AMOTL1: variants seen among roughly 807,000 people sequenced by gnomAD.
The protein encoded by AMOTL1 is angiomotin like 1.
AMOTL1 carries 45 observed loss-of-function variants against 102.9 expected under a neutral mutation model. The observed-to-expected ratio is 0.44, with a 90% confidence interval of 0.34 to 0.56. AMOTL1 has a LOEUF of 0.56. Ranked by LOEUF, AMOTL1 falls within the 20% of genes least tolerant of loss-of-function variation. The probability of loss-of-function intolerance (pLI) is 0.01; values close to 1 mark genes in which losing one functional copy is unlikely to be tolerated. For synonymous variants in AMOTL1, 481 were observed against 484.7 expected (o/e 0.99, Z 0.10); for missense variants, 1,114 against 1,225.6 (o/e 0.91, Z 1.36).
intron 3 of AMOTL1, among the ~76,000 whole-genome samples, chr11:94,743,292 G>C (rs1037918440): frequency 9.2e-5 from 14 of 152,210 alleles, no homozygotes; most frequent in South Asian, 2.1e-4. Context: ...GTAAGCCAAA[G>C]GAGGCCTATA....
At chr11:94,716,734 T>C (rs1216617196) in intron 1 of AMOTL1, among the ~76,000 whole-genome samples, 1 of 152,112 alleles carries the variant, frequency 6.6e-6, no homozygotes, top group Non-Finnish European at 1.5e-5. Flanking sequence ...CCTGTTGTCT[T>C]GGATATGGGA....
intron 12 of AMOTL1, among the ~76,000 whole-genome samples, chr11:94,870,078 A>AAG (rs1437992680): frequency 7.2e-5 from 11 of 152,150 alleles, no homozygotes; most frequent in Non-Finnish European, 1.2e-4. Flanking sequence ...CTCTTAAGCA[A>AAG]AGGAGTACCA....
chr11:94,721,516 T>A (rs960073511), intron 1 of AMOTL1, among the ~76,000 whole-genome samples: 1 of 152,066 alleles, frequency 6.6e-6, no homozygotes, highest in Admixed American at 6.6e-5. Flanking sequence ...AGGTGAGTCT[T>A]CAAGGTAGGC....
intron 4 of AMOTL1, among the ~76,000 whole-genome samples, chr11:94,822,984 C>T (rs1951895911): frequency 6.6e-6 from 1 of 152,118 alleles, no homozygotes; most frequent in Admixed American, 6.5e-5. Context: ...AAAGTTAAAG[C>T]GTAGGAGTGT....
At chr11:94,792,549 G>C (rs921133075) in intron 1 of AMOTL1, among the ~76,000 whole-genome samples, 1 of 152,228 alleles carries the variant, frequency 6.6e-6, no homozygotes, top group Non-Finnish European at 1.5e-5. Flanking sequence ...GGCTTTAGAC[G>C]AGTGGATGGT....
intron 2 of AMOTL1, chr11:94,729,166 C>A (rs1040625527): frequency 4.1e-6 from 3 of 729,326 alleles, no homozygotes; most frequent in South Asian, 1.7e-5. Context: ...TTTTCAAAAG[C>A]AGCTGAGTGG....
intron 3 of AMOTL1, among the ~76,000 whole-genome samples, chr11:94,755,001 T>C (rs992097702): frequency 6.6e-6 from 1 of 152,180 alleles, no homozygotes; most frequent in Non-Finnish European, 1.5e-5. Flanking sequence ...GGCTTGCTCT[T>C]AGTAGGTGTG....
intron 2 of AMOTL1, among the ~76,000 whole-genome samples, chr11:94,734,162 A>C (rs926359187): frequency 1.3e-5 from 2 of 152,152 alleles, no homozygotes; most frequent in African/African-American, 4.8e-5. Context: ...AGTTAATTTC[A>C]TTTCATCTCT....
At chr11:94,780,648 A>G (rs896656890) in intron 1 of AMOTL1, among the ~76,000 whole-genome samples, 4 of 152,290 alleles carry the variant, frequency 2.6e-5, no homozygotes, top group Admixed American at 6.5e-5. Flanking sequence ...GTCTTCATGA[A>G]CAGAAACTAA....
chr11:94,821,830 C>G lies in AMOTL1; in HGVS notation c.1413+9C>G. The G allele has an allele frequency of 6.2e-7, 1 of 1,611,626 alleles. No homozygotes were observed. The highest frequency in any genetic ancestry group is 8.5e-7 in the Non-Finnish European group (1 of 1,178,162). On this transcript the variant is annotated intron_variant, in intron 4 of 12. Coordinates refer to ENST00000433060, the MANE Select transcript of AMOTL1 (RefSeq NM_130847.3). Reference sequence around the variant, plus strand: ...CCGACAAGCTCCACAAGGTGCGTGACTTCCCTGGGGAATGGGAGGGAGACA... The same window carrying G: ...CCGACAAGCTCCACAAGGTGCGTGAGTTCCCTGGGGAATGGGAGGGAGACA...
intron 3 of AMOTL1, among the ~76,000 whole-genome samples, chr11:94,757,318 G>T (rs1314494007): frequency 6.6e-6 from 1 of 152,110 alleles, no homozygotes; most frequent in Non-Finnish European, 1.5e-5. Flanking sequence ...TCACAGTCCT[G>T]TGAGGTGGAT....
At chr11:94,786,444 C>T (rs1027670869) in intron 1 of AMOTL1, among the ~76,000 whole-genome samples, 20 of 152,156 alleles carry the variant, frequency 1.3e-4, no homozygotes, top group African/African-American at 4.3e-4. Context: ...AAGCAAGGGC[C>T]GCATTTAGGG....
At chr11:94,707,556 T>C (rs1949950889) in intron 1 of AMOTL1, among the ~76,000 whole-genome samples, 1 of 152,102 alleles carries the variant, frequency 6.6e-6, no homozygotes, top group African/African-American at 2.4e-5. Flanking sequence ...GGCACAATCA[T>C]CTATAACCTA....
In AMOTL1 at chr11:94,742,117, A is replaced by G. The variant is rs941985347; in HGVS notation, c.136+1129A>G. ...CTGGGAGGAGTACCATGTTTTATTC[A>G]GAGGATGTGTTTCTGACAAGTTGCG... On this transcript the variant is annotated intron_variant, in intron 3 of 4. Transcript: ENST00000299004. Among the ~76,000 whole-genome samples the G allele has an allele frequency of 3.9e-5, 6 of 152,372 alleles. No homozygotes were observed. The South Asian group carries it at 1.2e-3, about 32-fold the overall frequency.
chr11:94,862,216 G>T (rs909507555), intron 9 of AMOTL1, among the ~76,000 whole-genome samples: 2 of 152,116 alleles, frequency 1.3e-5, no homozygotes, highest in Non-Finnish European at 2.9e-5. Flanking sequence ...GGGGGAATAG[G>T]TTCAGAGAAC....
chr11:94,726,273 C>A (rs1428894160), intron 1 of AMOTL1, among the ~76,000 whole-genome samples: 7 of 152,148 alleles, frequency 4.6e-5, no homozygotes, highest in Non-Finnish European at 8.8e-5. Context: ...TGTCTCACAC[C>A]ACTCTATCGG....
intron 1 of AMOTL1, among the ~76,000 whole-genome samples, chr11:94,775,204 A>G (rs1951009065): frequency 6.6e-6 from 1 of 152,204 alleles, no homozygotes. Context: ...AGTGTCTCTG[A>G]CTGACGGTAA....
intron 1 of AMOTL1, among the ~76,000 whole-genome samples, chr11:94,772,151 T>C (rs1378070106): frequency 1.3e-5 from 2 of 152,338 alleles, no homozygotes; most frequent in East Asian, 3.9e-4. Context: ...CATAGTACAG[T>C]AGCAGAACCA....
intron 1 of AMOTL1, among the ~76,000 whole-genome samples, chr11:94,783,803 C>A (rs748961085): frequency 6.6e-6 from 1 of 152,214 alleles, no homozygotes; most frequent in Non-Finnish European, 1.5e-5. Context: ...GGCAGATGCT[C>A]ACTGTCATAT....
Sources: allele counts gnomAD v4.1 joint callset (sites outside exome capture counted in the v4.1 genomes callset), GRCh38; gene constraint gnomAD v4.1.1; transcripts MANE v1.5; gene names NCBI Gene and HGNC (gene_info 2026-07-23, HGNC 2026-07-21).